Variants in PARP8 observed in about 807,000 individuals in gnomAD.
PARP8 encodes the protein protein mono-ADP-ribosyltransferase PARP8.
PARP8 carries 51 observed loss-of-function variants against 124.1 expected under a neutral mutation model. That is an observed-to-expected ratio of 0.41 (90% confidence interval 0.33 to 0.52). The LOEUF (loss-of-function observed/expected upper bound fraction) is 0.52. PARP8 is among the 20% of genes least tolerant of loss of function. The pLI is 0.21. For missense variants in PARP8, 860 were observed against 1,018.9 expected, an observed-to-expected ratio of 0.84 and a Z score of 2.12; for synonymous variants, 391 against 361.5, an observed-to-expected ratio of 1.08 and a Z score of -0.93.
At chr5:50,832,999 G>T in intron 23 of PARP8, 145 bp downstream of exon 23, 1 of 667,720 alleles carries the variant, frequency 1.5e-6, no homozygotes, top group Non-Finnish European at 2.6e-6. Context: ...ACTCTGAAAT[G>T]CAGTAACTGA....
chr5:50,719,883 GA>G (rs2149500690), intron 2 of PARP8, among the ~76,000 whole-genome samples: 1 of 152,132 alleles, frequency 6.6e-6, no homozygotes, highest in African/African-American at 2.4e-5. Flanking sequence ...TTTTCATTAT[GA>G]AAAGTCAAAG....
At chr5:50,769,609 C>T (rs932253431) in intron 7 of PARP8, among the ~76,000 whole-genome samples, 4 of 150,930 alleles carry the variant, frequency 2.7e-5, no homozygotes, top group Non-Finnish European at 5.9e-5. Context: ...TGCTGTTTAC[C>T]AATATTTATA....
chr5:50,723,983 A>T (rs967204625), intron 2 of PARP8, among the ~76,000 whole-genome samples: 7 of 152,124 alleles, frequency 4.6e-5, no homozygotes, highest in African/African-American at 1.7e-4. Flanking sequence ...TCATTTTTAA[A>T]TTAAAAAAGA....
chr5:50,812,974 C>T (rs1341005916), intron 14 of PARP8, among the ~76,000 whole-genome samples: 1 of 152,136 alleles, frequency 6.6e-6, no homozygotes, highest in Non-Finnish European at 1.5e-5. Context: ...GGTACCAGTA[C>T]CATGCTGTTT....
chr5:50,676,115 G>T (rs1750607742), intron 2 of PARP8, among the ~76,000 whole-genome samples: 1 of 152,238 alleles, frequency 6.6e-6, no homozygotes, highest in Non-Finnish European at 1.5e-5. Context: ...CAAGATGTGA[G>T]TGAAGTATTT....
rs553883171 is a variant in PARP8 at position 50,767,750 on chromosome 5, T to G, written c.518+4508T>G. Among the ~76,000 whole-genome samples the G allele has an allele frequency of 9.8e-5, 15 of 152,302 alleles. No individual in the cohort carries two copies. In the South Asian group the frequency reaches 3.1e-3, roughly 32 times the overall value. ...CAGAATTTCTTCCTGACTACTGAGT[T>G]TGCATATTTCTTGGCCCATTCACAA... On this transcript the variant is annotated intron_variant, in intron 7 of 25. Coordinates refer to ENST00000281631, the MANE Select transcript of PARP8 (RefSeq NM_024615.4).
intron 2 of PARP8, among the ~76,000 whole-genome samples, chr5:50,706,604 T>G (rs1434672711): frequency 6.6e-6 from 1 of 152,074 alleles, no homozygotes; most frequent in Non-Finnish European, 1.5e-5. Context: ...TATTTTTTGT[T>G]TTTGCATTTA....
At chr5:50,770,227 A>G (rs1165000506) in intron 7 of PARP8, among the ~76,000 whole-genome samples, 1 of 152,082 alleles carries the variant, frequency 6.6e-6, no homozygotes, top group African/African-American at 2.4e-5. Context: ...TCTTACCCAC[A>G]TGGCTGTAGA....
In PARP8 at chr5:50,686,437, TG is replaced by T. The variant is rs368424718; in HGVS notation, c.146+18313del. 3.2e-4 allele frequency among the ~76,000 whole-genome samples: 49 copies of T among 152,326 alleles called. 1 individual carries two copies. The East Asian group carries it at 7.0e-3, about 22-fold the overall frequency. On this transcript the variant is annotated intron_variant, in intron 2 of 25. Transcript: ENST00000281631. ...GCTGCTTTCACAGGCTGGTGTTTAG[TG>T]TCTGCACAGCTTTTCCAGGCACATG...
rs1741357643 is a variant in PARP8, at chr5:50,787,199, A to G, written c.671-1324A>G. ...TCCAAAATGTTCATCACCTCCACGG[A>G]CGAAGTTCTATATATCTTGCTTCAC... On this transcript the variant is annotated intron_variant, in intron 9 of 25. Transcript: ENST00000281631. Among the ~76,000 whole-genome samples, 3 of 152,250 alleles carry G rather than the reference A, an allele frequency of 2.0e-5. No homozygotes were observed. The South Asian group carries it at 6.2e-4, about 32-fold the overall frequency.
Position 50,840,615 on chromosome 5 carries a change from G to A in PARP8, c.2463-1351G>A, listed in dbSNP as rs74355774. Among the ~76,000 whole-genome samples, 837 of 151,934 alleles carry A rather than the reference G, an allele frequency of 5.5e-3. 6 individuals carry two copies. The highest frequency in any genetic ancestry group is 0.019 in the African/African-American group (784 of 41,514). ...GATAGAGCTTTAGGAATGAGCATGTGGGTGATAGTTAAAACTTGAACGGGG... is the reference window on the plus strand; with the variant it reads ...GATAGAGCTTTAGGAATGAGCATGTAGGTGATAGTTAAAACTTGAACGGGG... On this transcript the variant is annotated intron_variant, in intron 25 of 25. Transcript: ENST00000281631.
chr5:50,728,738 A>T (rs1387379677), intron 2 of PARP8, among the ~76,000 whole-genome samples: 4 of 152,122 alleles, frequency 2.6e-5, no homozygotes, highest in African/African-American at 9.6e-5. Context: ...CAAGGAAGTT[A>T]GCTGTTTTTG....
intron 10 of PARP8, among the ~76,000 whole-genome samples, chr5:50,793,602 T>A (rs1742200403): frequency 6.6e-6 from 1 of 152,202 alleles, no homozygotes; most frequent in Non-Finnish European, 1.5e-5. Flanking sequence ...TAGTATAGTA[T>A]CTTCAAAGGT....
At chr5:50,819,039 A>G (rs1450156301) in intron 15 of PARP8, among the ~76,000 whole-genome samples, 1 of 152,168 alleles carries the variant, frequency 6.6e-6, no homozygotes, top group Non-Finnish European at 1.5e-5. Context: ...GGTGAAAGCC[A>G]GTGGTTAAGA....
chr5:50,767,046 T>C (rs1241110568), intron 7 of PARP8, among the ~76,000 whole-genome samples: 1 of 152,160 alleles, frequency 6.6e-6, no homozygotes, highest in Non-Finnish European at 1.5e-5. Context: ...GGCATGGATA[T>C]ATCACTAATT....
intron 11 of PARP8, 59 bp downstream of exon 11, chr5:50,794,391 A>T (rs1742290712): frequency 6.4e-7 from 1 of 1,572,418 alleles, no homozygotes; most frequent in East Asian, 2.3e-5. Context: ...GATGTAGTTC[A>T]TGCTTACAGC....
At chr5:50,745,795 T>C (rs1213472009) in intron 2 of PARP8, among the ~76,000 whole-genome samples, 1 of 152,198 alleles carries the variant, frequency 6.6e-6, no homozygotes, top group South Asian at 2.1e-4. Flanking sequence ...AAGGGTGCCT[T>C]GATCATCAGT....
intron 2 of PARP8, among the ~76,000 whole-genome samples, chr5:50,697,709 T>A (rs557472419): frequency 1.3e-5 from 2 of 152,144 alleles, no homozygotes; most frequent in East Asian, 3.9e-4. Flanking sequence ...AGGGTCTTGC[T>A]TTGTTGTCCA....
chr5:50,668,755 G>A (rs1252395064), intron 2 of PARP8: 1 of 152,242 alleles, frequency 6.6e-6, no homozygotes, highest in Non-Finnish European at 1.5e-5. Context: ...TTTGAATTTA[G>A]GAAGTAGAGT....
Sources: gnomAD v4.1 joint callset for allele counts (sites outside exome capture counted in the v4.1 genomes callset) on GRCh38, gnomAD v4.1.1 for gene constraint, MANE v1.5 for transcripts, NCBI Gene and HGNC (gene_info 2026-07-23, HGNC 2026-07-21) for gene names.